AKNA: variants seen among roughly 807,000 people sequenced by gnomAD.
AKNA encodes AT-hook transcription factor, also known as microtubule organization protein AKNA.
AKNA carries 67 observed loss-of-function variants against 138.8 expected under a neutral mutation model. The observed-to-expected ratio is 0.48, with a 90% CI of 0.40 to 0.59. AKNA has a LOEUF of 0.59. Ranked by LOEUF, AKNA falls within the 20% of genes least tolerant of loss-of-function variation. The pLI is 0.00. For synonymous variants in AKNA, 737 were observed against 754.4 expected (o/e 0.98, Z 0.38); for missense variants, 1,813 against 1,880.4 (o/e 0.96, Z 0.66).
At chr9:114,364,230 A>G (rs1240101099) in intron 7 of AKNA, among the ~76,000 whole-genome samples, 2 of 151,968 alleles carry the variant, frequency 1.3e-5, no homozygotes, top group African/African-American at 4.8e-5. Context: ...GGGGCCTTTG[A>G]GTCACCCCTC....
rs970647231 is a variant in AKNA, at chr9:114,342,104, G to T, written c.3779C>A (p.Pro1260Gln). 1 of 1,604,780 alleles carries T rather than the reference G, an allele frequency of 6.2e-7. No individual in the cohort carries two copies. The highest frequency in any genetic ancestry group is 1.7e-5 in the Admixed American group (1 of 57,872). ...GGTATCAGCGGGAGGCGGTCCCAGTGGGTCCCCTGTGACAGCACCACCTAG... is the reference window on the plus strand; with the variant it reads ...GGTATCAGCGGGAGGCGGTCCCAGTTGGTCCCCTGTGACAGCACCACCTAG... ...QDAGGAVTGD[P>Q]LGPPPADTLQ... The change falls in exon 20 of 22, where the codon CCA becomes CAA. Residue 1260 changes from proline (P) to glutamine (Q), a missense_variant. Physicochemically the swap from Pro to Gln is moderately conservative, Grantham distance 76. Coordinates refer to ENST00000374088, the MANE Select transcript of AKNA (RefSeq NM_001317950.2).
chr9:114,381,886 T>C (rs1307022122), intron 1 of AKNA, among the ~76,000 whole-genome samples: 1 of 152,144 alleles, frequency 6.6e-6, no homozygotes, highest in Non-Finnish European at 1.5e-5. Context: ...CCTGACCTTG[T>C]GATCCACCCG....
intron 1 of AKNA, among the ~76,000 whole-genome samples, chr9:114,387,264 C>T (rs1011608497): frequency 2.6e-5 from 4 of 152,188 alleles, no homozygotes; most frequent in African/African-American, 9.7e-5. Context: ...CAAGGAAGCA[C>T]CAGCCACTCC....
intron 14 of AKNA, among the ~76,000 whole-genome samples, chr9:114,351,411 C>G (rs1321222256): frequency 6.6e-6 from 1 of 152,196 alleles, no homozygotes; most frequent in Admixed American, 6.5e-5. Flanking sequence ...ATAGTCACCT[C>G]TTTCCACGTA....
chr9:114,359,764 G>A lies in AKNA; in HGVS notation c.2322C>T (p.Ala774=), dbSNP rs760473132. 2 of 1,600,090 alleles carry A rather than the reference G, an allele frequency of 1.2e-6. No individual in the cohort carries two copies. The highest frequency in any genetic ancestry group is 1.7e-6 in the Non-Finnish European group (2 of 1,172,566). The stretch of plus-strand genomic sequence containing the variant: ...CTTCTTCCTCCTCCTCCATTCTCAT[G>A]GCTTCTGGGAGAGACTTCACACTGA... The part of the protein sequence containing the change: ...RYLSVKSLPE[A]MRMEEEEEGE... The change falls in exon 11 of 22, where the codon GCC becomes GCT. Residue 774 remains alanine (A), a synonymous_variant. Transcript: ENST00000374088.
upstream of AKNA, among the ~76,000 whole-genome samples, chr9:114,397,972 C>T (rs1834585804): frequency 6.6e-6 from 1 of 152,186 alleles, no homozygotes; most frequent in Non-Finnish European, 1.5e-5. Flanking sequence ...CACACAAATC[C>T]CAGACAGAAA....
Position 114,358,003 on chromosome 9 carries a change from C to T in AKNA, c.2657G>A (p.Ser886Asn). The T allele has an allele frequency of 6.2e-7, 1 of 1,608,646 alleles. No homozygotes were observed. The highest frequency in any genetic ancestry group is 8.5e-7 in the Non-Finnish European group (1 of 1,176,708). ...GTKSAASHQS[S>N]MTSLEGSGIS... is the part of the protein sequence containing the mutation. The stretch of plus-strand genomic sequence containing the variant: ...GCCGCTTCCCTCCAGGCTGGTCATA[C>T]TACTTTGGTGGGATGCTGCGGACTT... Residue 886 changes from serine (S) to asparagine (N), a missense_variant, in exon 12 of 22, where the codon AGT becomes AAT. Physicochemically the swap from Ser to Asn is conservative, Grantham distance 46 (BLOSUM62 1). Coordinates refer to ENST00000374088, the MANE Select transcript of AKNA (RefSeq NM_001317950.2).
chr9:114,387,397 G>C (rs1199756070), intron 1 of AKNA, among the ~76,000 whole-genome samples: 3 of 152,186 alleles, frequency 2.0e-5, no homozygotes, highest in Non-Finnish European at 4.4e-5. Context: ...TGGGTCTGCT[G>C]GTCCTCGGAC....
upstream of AKNA, among the ~76,000 whole-genome samples, chr9:114,389,989 C>G (rs1834274277): frequency 6.6e-6 from 1 of 152,166 alleles, no homozygotes; most frequent in Non-Finnish European, 1.5e-5. Context: ...CCCTCCCTAT[C>G]AGCTCTGGAG....
rs748410703 is a variant in AKNA, at chr9:114,376,523, C to T, written c.1284G>A (p.Arg428=). 4 of 1,613,958 alleles carry T rather than the reference C, an allele frequency of 2.5e-6. No individual in the cohort carries two copies. Among genetic ancestry groups the T allele is most frequent in the Non-Finnish European group, 3.4e-6 (4 of 1,179,970 alleles). ...KDTPPAHPIT[R]VPQEFQTPEQ... ...CAGGCGTCTGAAATTCTTGGGGTAC[C>T]CTGGTGATAGGGTGGGCAGGAGGCG... Residue 428 remains arginine (R), a synonymous_variant, in exon 3 of 22, where the codon AGG becomes AGA. Transcript: ENST00000374088.
intron 12 of AKNA, among the ~76,000 whole-genome samples, chr9:114,357,434 A>G (rs1288402660): frequency 6.6e-6 from 1 of 152,260 alleles, no homozygotes; most frequent in Non-Finnish European, 1.5e-5. Context: ...GAACACAAAC[A>G]GAGCAACACA....
chr9:114,367,731 GA>G, intron 5 of AKNA, 34 bp from the exon 6 acceptor site: 1 of 1,521,118 alleles, frequency 6.6e-7, no homozygotes. Context: ...CTGGGGCCAA[GA>G]ACAGTCCTTC....
intron 2 of AKNA, among the ~76,000 whole-genome samples, chr9:114,379,119 TG>T (rs1441009031): frequency 6.6e-6 from 1 of 152,158 alleles, no homozygotes; most frequent in African/African-American, 2.4e-5. Flanking sequence ...GCCATGCAGG[TG>T]AGTTTGCTTC....
Position 114,357,980 on chromosome 9 carries a change from C to T in AKNA, c.2680G>A (p.Gly894Ser), listed in dbSNP as rs760033051. The change falls in exon 12 of 22, where the codon GGC becomes AGC. Residue 894 changes from glycine to serine, a missense_variant. By Grantham distance (56) the Gly-to-Ser change is moderately conservative (BLOSUM62 0). Coordinates refer to ENST00000374088, the MANE Select transcript of AKNA (RefSeq NM_001317950.2). ...QSSMTSLEGSGISERLPQKPL... is the reference protein window; with the variant it reads ...QSSMTSLEGSSISERLPQKPL... ...TTCTGTGGAAGGCGCTCAGAGATGCCGCTTCCCTCCAGGCTGGTCATACTA... is the reference window on the plus strand; with the variant it reads ...TTCTGTGGAAGGCGCTCAGAGATGCTGCTTCCCTCCAGGCTGGTCATACTA... 5.0e-6 allele frequency: 8 copies of T among 1,602,960 alleles called. No individual in the cohort carries two copies. The Admixed American group carries it at 5.3e-5, about 11-fold the overall frequency.
intron 7 of AKNA, among the ~76,000 whole-genome samples, chr9:114,363,688 G>A (rs1037100068): frequency 6.6e-6 from 1 of 152,104 alleles, no homozygotes; most frequent in Admixed American, 6.5e-5. Flanking sequence ...CTGTCTACCT[G>A]CTGGCTTCTG....
rs1421772068 is a variant in AKNA, at chr9:114,368,351, G to A, written c.1573+88C>T. ...CTCCTTCCCCTGGCCTGAGGCCAGC[G>A]CCATCCCCAGGGTGAACCAAGTCAG... On this transcript the variant is annotated intron_variant, in intron 5 of 21. Transcript: ENST00000374088. The A allele has an allele frequency of 9.3e-6, 12 of 1,284,546 alleles. No individual in the cohort carries two copies. In the East Asian group the frequency reaches 2.5e-4, roughly 27 times the overall value. The allele number at this position is 1,284,546 out of a possible 1,614,324, so 79.6% of individuals were successfully genotyped here. A position where few individuals can be genotyped will look rare whatever the true frequency, so the allele number is the denominator to read the frequency against.
intron 9 of AKNA, 125 bp from the exon 10 acceptor site, chr9:114,360,187 CCA>C: frequency 8.8e-7 from 1 of 1,139,026 alleles, no homozygotes; most frequent in African/African-American, 1.5e-5. Context: ...CTCACTAAGC[CCA>C]CCACCCTTTT....
intron 6 of AKNA, among the ~76,000 whole-genome samples, chr9:114,366,753 G>A (rs1197941376): frequency 6.6e-6 from 1 of 151,518 alleles, no homozygotes; most frequent in African/African-American, 2.4e-5. Context: ...GAGGAGAGGA[G>A]GGAAGGGAAG....
At chr9:114,330,996 C>T (rs879638883), downstream of AKNA, 23 of 681,986 alleles carry the variant, frequency 3.4e-5, no homozygotes, top group East Asian at 1.3e-4. Context: ...GCTCTTACCA[C>T]GTGCTCAGAA....
Sources: allele counts gnomAD v4.1 joint callset (sites outside exome capture counted in the v4.1 genomes callset), GRCh38; gene constraint gnomAD v4.1.1; transcripts MANE v1.5; gene names NCBI Gene and HGNC (gene_info 2026-07-23, HGNC 2026-07-21).